SGCZ: variants seen among roughly 807,000 people sequenced by gnomAD.
SGCZ encodes the protein zeta-sarcoglycan.
Under a neutral mutation model 41.3 loss-of-function variants are expected in SGCZ, and 40 were observed. The ratio of observed to expected loss-of-function variants is 0.97; its 90% confidence interval spans 0.75 to 1.26. The LOEUF is 1.26. Among genes scored for constraint, SGCZ ranks in the 50% most tolerant of loss-of-function variants. The probability of loss-of-function intolerance (pLI) is 0.00; values close to 1 mark genes in which losing one functional copy is unlikely to be tolerated. For synonymous variants in SGCZ, 206 were observed against 137.5 expected (o/e 1.50, Z -3.49); for missense variants, 552 against 369.8 (o/e 1.49, Z -4.04).
At chr8:14,702,818 TAGATAGATAGATAGATA>T (rs1809191809) in intron 1 of SGCZ, among the ~76,000 whole-genome samples, 1 of 2,268 alleles carries the variant, frequency 4.4e-4, no homozygotes, top group Admixed American at 5.7e-3. Context: ...GTTAGGTAGA[TAGATAGATAGATAGATA>T]GATAGATAGA....
chr8:14,900,226 G>T (rs751746030), intron 1 of SGCZ, among the ~76,000 whole-genome samples: 1 of 152,082 alleles, frequency 6.6e-6, no homozygotes, highest in African/African-American at 2.4e-5. Context: ...AACAGCTTAC[G>T]GTAATAGTAA....
intron 1 of SGCZ, among the ~76,000 whole-genome samples, chr8:14,906,030 G>T (rs569231586): frequency 6.6e-6 from 1 of 151,980 alleles, no homozygotes; most frequent in South Asian, 2.1e-4. Context: ...TATATCAAAA[G>T]CCAAAAGAAA....
chr8:14,102,576 A>C (rs1429400572), intron 6 of SGCZ, 77 bp from the exon 7 acceptor site: 12 of 1,217,956 alleles, frequency 9.9e-6, no homozygotes, highest in Non-Finnish European at 1.2e-5. Context: ...AAAATTTTTG[A>C]TAAACTAGAA....
At chr8:14,756,280 C>A (rs1194046128) in intron 1 of SGCZ, among the ~76,000 whole-genome samples, 1 of 151,202 alleles carries the variant, frequency 6.6e-6, no homozygotes, top group South Asian at 2.1e-4. Flanking sequence ...CCGCCTCCCA[C>A]GTTCAAGCGA....
intron 2 of SGCZ, among the ~76,000 whole-genome samples, chr8:14,399,339 A>C (rs576968026): frequency 6.6e-6 from 1 of 152,136 alleles, no homozygotes; most frequent in Non-Finnish European, 1.5e-5. Flanking sequence ...TCATCTTACC[A>C]GTAGAATCTG....
intron 2 of SGCZ, among the ~76,000 whole-genome samples, chr8:14,520,623 C>T (rs1477888463): frequency 6.6e-6 from 1 of 151,766 alleles, no homozygotes; most frequent in Admixed American, 6.6e-5. Context: ...ATGAATGAAG[C>T]AGGGATAAGG....
chr8:14,809,518 C>G (rs560991861), intron 1 of SGCZ, among the ~76,000 whole-genome samples: 4 of 152,106 alleles, frequency 2.6e-5, no homozygotes, highest in Middle Eastern at 3.4e-3. Context: ...TAAAAATTAC[C>G]AATTCTCCAT....
chr8:14,784,727 T>A (rs1800699820), intron 1 of SGCZ, among the ~76,000 whole-genome samples: 3 of 151,030 alleles, frequency 2.0e-5, no homozygotes, highest in Admixed American at 6.6e-5. Context: ...AAACCCCGTC[T>A]CTACTAAAAA....
At chr8:14,606,617 G>C (rs1286993937) in intron 1 of SGCZ, among the ~76,000 whole-genome samples, 1 of 152,050 alleles carries the variant, frequency 6.6e-6, no homozygotes, top group Non-Finnish European at 1.5e-5. Flanking sequence ...ATCATTCTTT[G>C]AGAAACTGCA....
At chr8:14,292,616 T>C (rs11774450) in intron 3 of SGCZ, among the ~76,000 whole-genome samples, 34,414 of 151,906 alleles carry the variant, frequency 0.23, 4,128 homozygotes, top group South Asian at 0.3. Flanking sequence ...CCTATGACAA[T>C]ATGGCCTGGT....
chr8:15,184,052 T>G (rs1800257918), intron 1 of SGCZ, among the ~76,000 whole-genome samples: 1 of 152,306 alleles, frequency 6.6e-6, no homozygotes, highest in South Asian at 2.1e-4. Flanking sequence ...AGTGCTGAAA[T>G]AATATATTTT....
chr8:14,985,822 C>A (rs1196179716), intron 1 of SGCZ, among the ~76,000 whole-genome samples: 1 of 152,116 alleles, frequency 6.6e-6, no homozygotes, highest in Non-Finnish European at 1.5e-5. Context: ...TTTTTTAGGA[C>A]TAGGATTTTA....
At chr8:14,717,035 A>G (rs1336678303) in intron 1 of SGCZ, among the ~76,000 whole-genome samples, 2 of 152,142 alleles carry the variant, frequency 1.3e-5, no homozygotes, top group Non-Finnish European at 2.9e-5. Context: ...CTGAGAAACT[A>G]CATTTTTGAA....
At chr8:14,401,132 C>T (rs79912599) in intron 2 of SGCZ, among the ~76,000 whole-genome samples, 6,137 of 152,194 alleles carry the variant, frequency 0.04, 388 homozygotes, top group African/African-American at 0.14. Context: ...TTGTAACAGG[C>T]AACTTTGCTA....
At chr8:15,216,377 G>C (rs1054432917) in intron 1 of SGCZ, among the ~76,000 whole-genome samples, 2 of 151,606 alleles carry the variant, frequency 1.3e-5, no homozygotes, top group Non-Finnish European at 1.5e-5. Context: ...GCACCACCAC[G>C]CCTGGCTAAC....
At chr8:14,237,311 T>C (rs1585263474) in intron 4 of SGCZ, among the ~76,000 whole-genome samples, 1 of 152,042 alleles carries the variant, frequency 6.6e-6, no homozygotes, top group Non-Finnish European at 1.5e-5. Context: ...TGCAAGAAAA[T>C]TGGGCTGTAA....
At chr8:15,122,290 C>G (rs1807511621) in intron 1 of SGCZ, among the ~76,000 whole-genome samples, 1 of 151,998 alleles carries the variant, frequency 6.6e-6, no homozygotes, top group Non-Finnish European at 1.5e-5. Flanking sequence ...GATCATAAAG[C>G]ATGACAGGAA....
rs371348940 is a variant in SGCZ at position 14,682,724 on chromosome 8, A to G, written c.40-127798T>C. On this transcript the variant is annotated intron_variant, in intron 1 of 7. Coordinates refer to ENST00000382080, the MANE Select transcript of SGCZ (RefSeq NM_139167.4). ...GCTGGGATTACAGGCGTGAGCCACCATAAACCATGCACATAACTTAACAAA... is the reference window on the plus strand; with the variant it reads ...GCTGGGATTACAGGCGTGAGCCACCGTAAACCATGCACATAACTTAACAAA... 3.3e-5 allele frequency among the ~76,000 whole-genome samples: 5 copies of G among 152,248 alleles called. No individual in the cohort carries two copies. The East Asian group carries it at 9.7e-4, about 30-fold the overall frequency.
intron 1 of SGCZ, among the ~76,000 whole-genome samples, chr8:15,021,651 G>A (rs956917693): frequency 1.3e-5 from 2 of 152,172 alleles, no homozygotes; most frequent in South Asian, 2.1e-4. Flanking sequence ...GGGATGTGAC[G>A]TGTTAATCCA....
Sources: gnomAD v4.1 joint callset for allele counts (sites outside exome capture counted in the v4.1 genomes callset) on GRCh38, gnomAD v4.1.1 for gene constraint, MANE v1.5 for transcripts, NCBI Gene and HGNC (gene_info 2026-07-23, HGNC 2026-07-21) for gene names.